The following AGBL1 variants were observed in gnomAD, a reference collection of about 807,000 sequenced individuals.
AGBL1 encodes the protein AGBL carboxypeptidase 1.
A neutral mutation model predicts 118.9 loss-of-function variants in AGBL1; 130 were observed. The observed-to-expected ratio is 1.09, with a 90% CI of 0.95 to 1.26. The LOEUF (loss-of-function observed/expected upper bound fraction) is 1.26, where lower values mean the gene tolerates loss of function less well. AGBL1 is among the 50% of genes most tolerant of loss of function. AGBL1 has a pLI of 0.00. For missense variants in AGBL1, 1,584 were observed against 1,298.1 expected, an observed-to-expected ratio of 1.22 and a Z score of -3.38; for synonymous variants, 555 against 478.9, an observed-to-expected ratio of 1.16 and a Z score of -2.08.
chr15:86,872,256 T>C (rs895123292), intron 22 of AGBL1, among the ~76,000 whole-genome samples: 3 of 152,152 alleles, frequency 2.0e-5, no homozygotes, highest in Admixed American at 6.5e-5. Context: ...TCCTCCTTAA[T>C]AGATTTTATG....
chr15:86,439,863 A>G (rs914869326), intron 18 of AGBL1, among the ~76,000 whole-genome samples: 4 of 152,190 alleles, frequency 2.6e-5, no homozygotes, highest in African/African-American at 9.7e-5. Context: ...AAGCATTCCC[A>G]GTTTACTTAG....
intron 17 of AGBL1, among the ~76,000 whole-genome samples, chr15:86,328,794 G>A (rs1434353419): frequency 3.3e-5 from 5 of 152,214 alleles, no homozygotes; most frequent in Admixed American, 3.3e-4. Flanking sequence ...AACTTGGAAT[G>A]AGGCTTGAAG....
At chr15:86,467,350 C>T (rs1357585641) in intron 18 of AGBL1, among the ~76,000 whole-genome samples, 1 of 152,230 alleles carries the variant, frequency 6.6e-6, no homozygotes, top group Non-Finnish European at 1.5e-5. Flanking sequence ...CCAAGGTCGA[C>T]TTCAGACTGC....
chr15:86,405,386 G>C (rs2081510335), intron 18 of AGBL1, among the ~76,000 whole-genome samples: 1 of 152,020 alleles, frequency 6.6e-6, no homozygotes, highest in African/African-American at 2.4e-5. Flanking sequence ...TGTGGTGGTG[G>C]GTACCTGTAG....
chr15:86,299,367 C>G lies in AGBL1; in HGVS notation c.2374+3959C>G, dbSNP rs376017722. Among the ~76,000 whole-genome samples the G allele has an allele frequency of 5.3e-5, 8 of 152,202 alleles. No individual in the cohort carries two copies. The East Asian group carries it at 1.5e-3, about 29-fold the overall frequency. ...CTTTACAAAAGGATCAACAGCTCAG[C>G]CTGGCATCAGGGACTCTGAGTGATG... On this transcript the variant is annotated intron_variant, in intron 17 of 22. Transcript: ENST00000614907.
At chr15:86,091,719 C>T (rs75983696) in intron 1 of AGBL1, among the ~76,000 whole-genome samples, 1,673 of 152,230 alleles carry the variant, frequency 0.011, 10 homozygotes, top group East Asian at 0.024. Context: ...GGTTTTGTCT[C>T]AGCGAATGAA....
chr15:86,198,197 C>G (rs2077846344), intron 5 of AGBL1, among the ~76,000 whole-genome samples: 1 of 152,158 alleles, frequency 6.6e-6, no homozygotes, highest in Non-Finnish European at 1.5e-5. Context: ...GGTCTGATTT[C>G]TCACTTTTGG....
intron 23 of AGBL1, among the ~76,000 whole-genome samples, chr15:86,977,012 T>A (rs61267860): frequency 0.04 from 6,081 of 152,064 alleles, 152 homozygotes; most frequent in Middle Eastern, 0.068. Flanking sequence ...CTCACTGTTT[T>A]GCTGTAAAGT....
chr15:86,112,038 G>C (rs1362928913), intron 1 of AGBL1, among the ~76,000 whole-genome samples: 1 of 152,150 alleles, frequency 6.6e-6, no homozygotes, highest in Non-Finnish European at 1.5e-5. Context: ...AACGACCCCA[G>C]ATGGAGATGT....
intron 18 of AGBL1, among the ~76,000 whole-genome samples, chr15:86,492,800 T>C (rs1429286369): frequency 2.6e-5 from 4 of 151,850 alleles, no homozygotes; most frequent in South Asian, 4.2e-4. Flanking sequence ...TCATAGGAGG[T>C]AGAAGCTTGA....
chr15:86,522,899 G>T lies in AGBL1; in HGVS notation c.2645G>T (p.Gly882Val), dbSNP rs770503705. ...CAGCCAACCATTTACCATGCCAAAGGCCTCCTCTACCACCTGAGCAGCATT... is the reference window on the plus strand; with the variant it reads ...CAGCCAACCATTTACCATGCCAAAGTCCTCCTCTACCACCTGAGCAGCATT... ...HLQPTIYHAKGLLYHLSSIGR... is the reference protein window; with the variant it reads ...HLQPTIYHAKVLLYHLSSIGR... The change falls in exon 19 of 23, where the codon GGC (glycine) becomes GTC (valine). Residue 882 changes from glycine (G) to valine (V), a missense_variant. Transcript: ENST00000614907. 6 of 1,613,844 alleles carry T rather than the reference G, an allele frequency of 3.7e-6. No individual in the cohort carries two copies. The Admixed American group carries it at 6.7e-5, about 18-fold the overall frequency.
chr15:86,820,017 A>G lies in AGBL1; in HGVS notation c.3159-87070A>G, dbSNP rs2078917431. ...TCTACAACCATCTGATCTTTGACAA[A>G]CCTGACAAAAACAAGCAATGGGGAA... On this transcript the variant is annotated intron_variant, in intron 22 of 22. Transcript: ENST00000614907. Among the ~76,000 whole-genome samples, 4 of 152,184 alleles carry G rather than the reference A, an allele frequency of 2.6e-5. No homozygotes were observed. The South Asian group carries it at 6.2e-4, about 24-fold the overall frequency.
At chr15:86,477,496 T>G (rs1288618698) in intron 18 of AGBL1, among the ~76,000 whole-genome samples, 3 of 152,174 alleles carry the variant, frequency 2.0e-5, no homozygotes, top group Non-Finnish European at 1.5e-5. Flanking sequence ...AATGGATAAA[T>G]TCCTGGGCAC....
chr15:86,812,552 A>T (rs780329684), intron 22 of AGBL1, among the ~76,000 whole-genome samples: 32 of 152,334 alleles, frequency 2.1e-4, no homozygotes, highest in Admixed American at 1.4e-3. Flanking sequence ...TTAATGATTG[A>T]ACCCCAAGAC....
At chr15:86,632,274 T>TAAAAAAAAA (rs138490379) in intron 21 of AGBL1, among the ~76,000 whole-genome samples, 1,662 of 124,592 alleles carry the variant, frequency 0.013, 10 homozygotes, top group East Asian at 0.042. Context: ...TCTTTCTCTT[T>TAAAAAAAAA]AAAAAAAAAA....
rs578223522 is a variant in AGBL1 at position 86,251,325 on chromosome 15, C to T, written c.735+3446C>T. Among the ~76,000 whole-genome samples, 10 of 152,254 alleles carry T rather than the reference C, an allele frequency of 6.6e-5. No individual in the cohort carries two copies. The South Asian group carries it at 2.1e-3, about 32-fold the overall frequency. On this transcript the variant is annotated intron_variant, in intron 7 of 22. Coordinates refer to ENST00000614907, the MANE Select transcript of AGBL1 (RefSeq NM_001386094.1). ...CCCAGTTGAGCATGCATCAGAGTCA[C>T]CTGGAGGGGTCACTGAAGCAGAGCC... is the stretch of plus-strand genomic sequence containing the variant.
intron 21 of AGBL1, among the ~76,000 whole-genome samples, chr15:86,650,517 A>G (rs1216563571): frequency 1.3e-5 from 2 of 152,214 alleles, no homozygotes; most frequent in Non-Finnish European, 2.9e-5. Context: ...CAGCCATCTG[A>G]TAACACGAAA....
intron 5 of AGBL1, among the ~76,000 whole-genome samples, chr15:86,222,571 T>A (rs2078296747): frequency 6.6e-6 from 1 of 152,158 alleles, no homozygotes; most frequent in Non-Finnish European, 1.5e-5. Flanking sequence ...CAGAGTTGAA[T>A]GTTAACTCTT....
intron 22 of AGBL1, among the ~76,000 whole-genome samples, chr15:86,712,702 G>T (rs2086579770): frequency 8.5e-5 from 13 of 152,148 alleles, no homozygotes. Context: ...TGGGATACGG[G>T]CCTTTTGTAA....
Sources: gnomAD v4.1 joint callset for allele counts (sites outside exome capture counted in the v4.1 genomes callset) on GRCh38, gnomAD v4.1.1 for gene constraint, MANE v1.5 for transcripts, NCBI Gene and HGNC (gene_info 2026-07-23, HGNC 2026-07-21) for gene names.